ASTN1: variants seen among roughly 807,000 people sequenced by gnomAD.
ASTN1 encodes the protein astrotactin-1.
Under a neutral mutation model 140.7 loss-of-function variants are expected in ASTN1, and 41 were observed. That is an observed-to-expected ratio of 0.29 (90% CI 0.23 to 0.38). The LOEUF (loss-of-function observed/expected upper bound fraction) is 0.38, where lower values mean the gene tolerates loss of function less well. Ranked by LOEUF, ASTN1 falls within the 10% of genes least tolerant of loss-of-function variation. The pLI is 1.00. For missense variants in ASTN1, 1,479 were observed against 1,678.8 expected (o/e 0.88, Z 2.08); for synonymous variants, 640 against 652.2 (o/e 0.98, Z 0.29).
chr1:176,998,117 G>A lies in ASTN1; in HGVS notation c.1523+16674C>T, dbSNP rs1054358297. Among the ~76,000 whole-genome samples the A allele has an allele frequency of 3.9e-5, 6 of 152,092 alleles. 1 individual carries two copies. The highest frequency in any genetic ancestry group is 3.9e-4 in the Admixed American group (6 of 15,274). ...CTTCATACATCATGCTGAAAGCCAG[G>A]ATTTGGAGCCAGACTATTAGGGTCA... On this transcript the variant is annotated intron_variant, in intron 8 of 22. Coordinates refer to ENST00000361833, the MANE Select transcript of ASTN1 (RefSeq NM_004319.3).
chr1:176,985,631 G>A (rs985609449), intron 8 of ASTN1, among the ~76,000 whole-genome samples: 1 of 151,814 alleles, frequency 6.6e-6, no homozygotes, highest in Admixed American at 6.6e-5. Context: ...TGGGTCTGTG[G>A]GTGCAGATCC....
chr1:177,045,842 AAACTT>A (rs2102003204), intron 2 of ASTN1, among the ~76,000 whole-genome samples: 1 of 152,334 alleles, frequency 6.6e-6, no homozygotes, highest in Non-Finnish European at 1.5e-5. Flanking sequence ...AGAGAAGTCA[AAACTT>A]GTAATCACAT....
intron 8 of ASTN1, among the ~76,000 whole-genome samples, chr1:176,977,789 C>T (rs924678592): frequency 8.5e-5 from 13 of 152,294 alleles, no homozygotes; most frequent in African/African-American, 3.1e-4. Context: ...AGAGCCAGGG[C>T]TCAAGCCCAG....
In ASTN1 at chr1:176,888,344, C is replaced by T. The variant is rs1669126607; in HGVS notation, c.2941-140G>A. ...TTGTGTCGCCACTTTATCATTGTCT[C>T]AAATTCTGATTCCAGGAGATTGTTT... On this transcript the variant is annotated intron_variant, in intron 17 of 22. Transcript: ENST00000361833. 2.9e-6 allele frequency: 3 copies of T among 1,019,588 alleles called. No individual in the cohort carries two copies. In the East Asian group the frequency reaches 7.9e-5, roughly 27 times the overall value. 63.2% of individuals were successfully genotyped at this position (1,019,588 alleles called of 1,614,324 possible). A position where few individuals can be genotyped will look rare whatever the true frequency, so the allele number is the denominator to read the frequency against.
intron 16 of ASTN1, among the ~76,000 whole-genome samples, chr1:176,918,945 C>T (rs1571508466): frequency 1.3e-5 from 2 of 152,296 alleles, no homozygotes; most frequent in South Asian, 2.1e-4. Flanking sequence ...GCCATTTCCT[C>T]TTCCTGAGAC....
intron 1 of ASTN1, among the ~76,000 whole-genome samples, chr1:177,084,503 G>C (rs1018613221): frequency 1.3e-5 from 2 of 151,980 alleles, no homozygotes; most frequent in Admixed American, 6.6e-5. Flanking sequence ...CTATAAAAAA[G>C]GTGAACTCTG....
chr1:176,921,818 G>A (rs1220578213), intron 16 of ASTN1, among the ~76,000 whole-genome samples: 1 of 152,196 alleles, frequency 6.6e-6, no homozygotes, highest in Non-Finnish European at 1.5e-5. Context: ...GAACAAGACT[G>A]CCTTCAGCAT....
chr1:177,138,394 T>A (rs1390360950), intron 1 of ASTN1, among the ~76,000 whole-genome samples: 1 of 152,192 alleles, frequency 6.6e-6, no homozygotes, highest in Non-Finnish European at 1.5e-5. Flanking sequence ...AATCAGTTAA[T>A]CAAAGAGCAT....
chr1:176,860,958 C>T (rs1194207943), downstream of ASTN1: 2 of 434,972 alleles, frequency 4.6e-6, no homozygotes, highest in African/African-American at 4.3e-5. Flanking sequence ...GACTATAAGG[C>T]CCATTATGTC....
At chr1:177,002,725 T>C (rs1386560801) in intron 8 of ASTN1, among the ~76,000 whole-genome samples, 1 of 152,186 alleles carries the variant, frequency 6.6e-6, no homozygotes, top group African/African-American at 2.4e-5. Context: ...AAGAATCCAT[T>C]GTACTGGCAT....
intron 15 of ASTN1, among the ~76,000 whole-genome samples, 165 bp from the exon 16 acceptor site, chr1:176,934,505 C>T (rs2103092221): frequency 6.6e-6 from 1 of 152,258 alleles, no homozygotes; most frequent in South Asian, 2.1e-4. Flanking sequence ...CTAAATGAGA[C>T]ATTTCAGTTC....
rs901491252 is a variant in ASTN1, at chr1:176,863,175, G to A, written c.*1109C>T. On this transcript the variant is annotated 3_prime_UTR_variant, in exon 23 of 23. Transcript: ENST00000361833. ...TGACTGGATGGGCAGTGACCATGGTGGAATCCTCCTGCTTATGGTCATCAG... is the reference window on the plus strand; with the variant it reads ...TGACTGGATGGGCAGTGACCATGGTAGAATCCTCCTGCTTATGGTCATCAG... 1 of 985,898 alleles carries A rather than the reference G, an allele frequency of 1.0e-6. No individual in the cohort carries two copies. Among genetic ancestry groups the A allele is most frequent in the Non-Finnish European group, 1.2e-6 (1 of 829,938 alleles). The allele number at this position is 985,898 out of a possible 1,614,324, so 61.1% of individuals were successfully genotyped here.
chr1:176,938,288 T>A (rs1671534830), intron 14 of ASTN1, among the ~76,000 whole-genome samples: 1 of 152,256 alleles, frequency 6.6e-6, no homozygotes, highest in African/African-American at 2.4e-5. Context: ...GAGCATAAGA[T>A]GTGCATCTAT....
intron 2 of ASTN1, among the ~76,000 whole-genome samples, chr1:177,046,704 C>T (rs1481549896): frequency 6.6e-6 from 1 of 152,172 alleles, no homozygotes; most frequent in Non-Finnish European, 1.5e-5. Context: ...GTGAGATGGC[C>T]TCATGATCTA....
At chr1:177,121,514 C>G (rs576676628) in intron 1 of ASTN1, among the ~76,000 whole-genome samples, 4 of 152,064 alleles carry the variant, frequency 2.6e-5, no homozygotes. Context: ...CTATAGGTTT[C>G]TCATCTATAG....
chr1:177,144,852 A>G (rs1682650790), intron 1 of ASTN1, among the ~76,000 whole-genome samples: 2 of 152,120 alleles, frequency 1.3e-5, no homozygotes, highest in South Asian at 4.1e-4. Context: ...CTTCGGGGTA[A>G]CTGGTGGGAT....
intron 8 of ASTN1, chr1:176,976,224 T>A (rs1438685020): frequency 6.6e-6 from 1 of 152,208 alleles, no homozygotes; most frequent in African/African-American, 2.4e-5. Context: ...CAGAAATGCA[T>A]CTACAGGTAC....
At chr1:177,076,295 AGAAAGAAAGAAAAAGAAAAAG>A in intron 1 of ASTN1, among the ~76,000 whole-genome samples, 1 of 146,378 alleles carries the variant, frequency 6.8e-6, no homozygotes, top group South Asian at 2.1e-4. Context: ...AAAAAAAAAA[AGAAAGAAAGAAAAAGAAAAAG>A]AAAAGAAAGA....
chr1:176,966,336 A>G (rs748932512), intron 8 of ASTN1, among the ~76,000 whole-genome samples: 11 of 152,336 alleles, frequency 7.2e-5, no homozygotes, highest in East Asian at 3.9e-4. Context: ...TTGTTCTTCA[A>G]TGACACAATG....
Sources: gnomAD v4.1 joint callset for allele counts (sites outside exome capture counted in the v4.1 genomes callset) on GRCh38, gnomAD v4.1.1 for gene constraint, MANE v1.5 for transcripts, NCBI Gene and HGNC (gene_info 2026-07-23, HGNC 2026-07-21) for gene names.